Variants in SORCS2 observed in about 807,000 individuals in gnomAD.
SORCS2 encodes the protein VPS10 domain-containing receptor SorCS2.
Under a neutral mutation model 141.6 loss-of-function variants are expected in SORCS2, and 100 were observed. That is an observed-to-expected ratio of 0.71 (90% CI 0.60 to 0.83). SORCS2 has a LOEUF of 0.83. SORCS2 is among the 40% of genes least tolerant of loss of function. SORCS2 has a pLI of 0.00. For missense variants in SORCS2, 1,646 were observed against 1,560.2 expected (o/e 1.05, Z -0.93); for synonymous variants, 789 against 676.9 (o/e 1.17, Z -2.57).
At chr4:7,508,995 C>CT (rs1732442734) in intron 2 of SORCS2, among the ~76,000 whole-genome samples, 1 of 152,194 alleles carries the variant, frequency 6.6e-6, no homozygotes, top group Non-Finnish European at 1.5e-5. Context: ...CTCGCGGAGA[C>CT]TGGGGCCACA....
chr4:7,488,636 A>G (rs1233713278), intron 2 of SORCS2, among the ~76,000 whole-genome samples: 1 of 152,168 alleles, frequency 6.6e-6, no homozygotes, highest in Non-Finnish European at 1.5e-5. Flanking sequence ...AGGAACGGCC[A>G]TCTCATTGAC....
chr4:7,591,302 C>T (rs993677086), intron 3 of SORCS2, among the ~76,000 whole-genome samples: 4 of 152,280 alleles, frequency 2.6e-5, no homozygotes, highest in South Asian at 2.1e-4. Context: ...GTTATGGTCC[C>T]GTTTTACAGC....
chr4:7,704,606 C>T (rs557988688), intron 14 of SORCS2, among the ~76,000 whole-genome samples: 4 of 152,344 alleles, frequency 2.6e-5, no homozygotes, highest in Non-Finnish European at 4.4e-5. Context: ...GTGACCCTCT[C>T]GTCACCCATC....
chr4:7,500,834 T>C (rs1394412282), intron 2 of SORCS2, among the ~76,000 whole-genome samples: 2 of 152,192 alleles, frequency 1.3e-5, no homozygotes, highest in Non-Finnish European at 2.9e-5. Flanking sequence ...GGGTTGCAAG[T>C]TGCCTCTCAC....
intron 7 of SORCS2, among the ~76,000 whole-genome samples, chr4:7,665,700 T>C (rs1722461617): frequency 6.6e-6 from 1 of 152,196 alleles, no homozygotes; most frequent in African/African-American, 2.4e-5. Context: ...GAGGCTGGGC[T>C]CTAGGTCTGA....
intron 21 of SORCS2, among the ~76,000 whole-genome samples, chr4:7,727,316 C>T (rs558201234): frequency 2.4e-4 from 37 of 152,320 alleles, no homozygotes; most frequent in Middle Eastern, 3.4e-3. Flanking sequence ...TCTAGAGAAA[C>T]GCTGAGCCTC....
chr4:7,330,884 C>T (rs902913218), intron 1 of SORCS2, among the ~76,000 whole-genome samples: 5 of 152,120 alleles, frequency 3.3e-5, no homozygotes, highest in South Asian at 4.1e-4. Context: ...GACTCGCGGC[C>T]GCCATGGACA....
rs35523377 is a variant in SORCS2, at chr4:7,245,956, C to T, written c.480+52830C>T. Among the ~76,000 whole-genome samples, 1,173 of 152,252 alleles carry T rather than the reference C, an allele frequency of 7.7e-3. 13 individuals carry two copies. The highest frequency in any genetic ancestry group is 0.027 in the African/African-American group (1,108 of 41,518). ...TGCAATGTTGCATGTCACAGACTGG[C>T]GGCGTTTGGTACCCAGCCTTGCCGT... On this transcript the variant is annotated intron_variant, in intron 1 of 26. Coordinates refer to ENST00000507866, the MANE Select transcript of SORCS2 (RefSeq NM_020777.3).
chr4:7,738,048 G>T (rs2148905807), intron 26 of SORCS2, among the ~76,000 whole-genome samples: 1 of 152,370 alleles, frequency 6.6e-6, no homozygotes, highest in East Asian at 1.9e-4. Flanking sequence ...TCAGGGCCTG[G>T]CCTTGAAGTC....
intron 3 of SORCS2, among the ~76,000 whole-genome samples, chr4:7,537,952 C>T (rs1577715261): frequency 6.6e-6 from 1 of 152,182 alleles, no homozygotes; most frequent in South Asian, 2.1e-4. Context: ...CACCACTACA[C>T]TCCAGGTTGG....
chr4:7,465,641 A>G (rs1384075757), intron 2 of SORCS2, among the ~76,000 whole-genome samples: 1 of 152,238 alleles, frequency 6.6e-6, no homozygotes, highest in Non-Finnish European at 1.5e-5. Context: ...ATACGTAGAC[A>G]TTCTAGAACA....
chr4:7,243,378 C>T (rs1421583141), intron 1 of SORCS2, among the ~76,000 whole-genome samples: 12 of 152,150 alleles, frequency 7.9e-5, no homozygotes, highest in African/African-American at 2.7e-4. Context: ...GCGTGATGGT[C>T]TCCAAGACCA....
chr4:7,402,741 C>G (rs1560255474), intron 2 of SORCS2, among the ~76,000 whole-genome samples: 1 of 152,154 alleles, frequency 6.6e-6, no homozygotes, highest in Non-Finnish European at 1.5e-5. Flanking sequence ...ATCAGACTTT[C>G]CATGTTTGCA....
At position 7,724,141 on chromosome 4, in the gene SORCS2, GATGGTC is replaced by G. The variant is rs1264560672; in HGVS notation, c.2611+259_2611+264del. ...TGGTGGTGGTGGTGGTGGTGGTGGT[GATGGTC>G]GTGGTGGTGGTGGTGATGGTGGTGA... On this transcript the variant is annotated intron_variant, in intron 19 of 26. Coordinates refer to ENST00000507866, the MANE Select transcript of SORCS2 (RefSeq NM_020777.3). 2.5e-4 allele frequency among the ~76,000 whole-genome samples: 33 copies of G among 131,714 alleles called. No homozygotes were observed. The East Asian group carries it at 4.4e-3, about 17-fold the overall frequency. 86.4% of individuals were successfully genotyped at this position (131,714 alleles called of 152,430 possible). A position where few individuals can be genotyped will look rare whatever the true frequency, so the allele number is the denominator to read the frequency against.
rs1213301237 is a variant in SORCS2 at position 7,418,705 on chromosome 4, C to CA, written c.548+22350_548+22351insA. 5.8e-5 allele frequency among the ~76,000 whole-genome samples: 6 copies of CA among 103,346 alleles called. No individual in the cohort carries two copies. The South Asian group carries it at 1.9e-3, about 32-fold the overall frequency. 67.8% of individuals were successfully genotyped at this position (103,346 alleles called of 152,430 possible). A position where few individuals can be genotyped will look rare whatever the true frequency, so the allele number is the denominator to read the frequency against. On this transcript the variant is annotated intron_variant, in intron 2 of 26. Transcript: ENST00000507866. ...AGCTTTTGCTGCGTAACAAATGACC[C>CA]CCCCCCCCACCAGATTTGTAGATTA... is the stretch of plus-strand genomic sequence containing the variant.
intron 3 of SORCS2, among the ~76,000 whole-genome samples, chr4:7,609,675 C>T (rs1040489291): frequency 3.3e-5 from 5 of 152,246 alleles, no homozygotes; most frequent in East Asian, 1.9e-4. Context: ...GCCAGTGTGA[C>T]GGGGAAGGTG....
At chr4:7,222,608 C>T (rs1175834244) in intron 1 of SORCS2, among the ~76,000 whole-genome samples, 4 of 152,116 alleles carry the variant, frequency 2.6e-5, no homozygotes, top group Non-Finnish European at 2.9e-5. Context: ...GGCTGGCATG[C>T]GAATGAGATT....
intron 2 of SORCS2, among the ~76,000 whole-genome samples, chr4:7,407,836 A>T (rs1725066844): frequency 6.6e-6 from 1 of 151,948 alleles, no homozygotes; most frequent in African/African-American, 2.4e-5. Context: ...ATTTTTATTA[A>T]ATCTATTATA....
intron 15 of SORCS2, 37 bp downstream of exon 15, chr4:7,712,890 T>C (rs1276105045): frequency 2.5e-6 from 4 of 1,609,212 alleles, no homozygotes; most frequent in Non-Finnish European, 3.4e-6. Context: ...GCAGGTGGGG[T>C]ACAGACTGCA....
Sources: gnomAD v4.1 joint callset for allele counts (sites outside exome capture counted in the v4.1 genomes callset) on GRCh38, gnomAD v4.1.1 for gene constraint, MANE v1.5 for transcripts, NCBI Gene and HGNC (gene_info 2026-07-23, HGNC 2026-07-21) for gene names.